The following SRPK2 variants were observed in gnomAD, a reference collection of about 807,000 sequenced individuals.
SRPK2 encodes SFRS protein kinase 2.
Under a neutral mutation model 90.8 loss-of-function variants are expected in SRPK2, and 21 were observed. That is an observed-to-expected ratio of 0.23 (90% CI 0.16 to 0.33). The LOEUF is 0.33. Among genes scored for constraint, SRPK2 ranks in the 10% least tolerant of loss-of-function variants. SRPK2 has a pLI of 1.00. For missense variants in SRPK2, 620 were observed against 869.0 expected (o/e 0.71, Z 3.60); for synonymous variants, 288 against 311.1 (o/e 0.93, Z 0.78).
chr7:105,352,670 T>G (rs1027329022), intron 2 of SRPK2, among the ~76,000 whole-genome samples: 65 of 152,110 alleles, frequency 4.3e-4, no homozygotes, highest in Non-Finnish European at 8.7e-4. Context: ...GAGGCCAAGG[T>G]GGGCAGATTA....
At chr7:105,336,706 A>G (rs1389771208) in intron 2 of SRPK2, among the ~76,000 whole-genome samples, 3 of 152,244 alleles carry the variant, frequency 2.0e-5, no homozygotes, top group African/African-American at 7.2e-5. Flanking sequence ...TTTTAAAAGC[A>G]TAACAAATTT....
intron 3 of SRPK2, among the ~76,000 whole-genome samples, chr7:105,190,198 G>A (rs1451232206): frequency 6.6e-6 from 1 of 152,210 alleles, no homozygotes; most frequent in Non-Finnish European, 1.5e-5. Flanking sequence ...TGCAGGGGCT[G>A]ACAAGTGAGG....
intron 13 of SRPK2, among the ~76,000 whole-genome samples, chr7:105,130,489 G>A (rs751548897): frequency 2.6e-5 from 4 of 152,066 alleles, no homozygotes; most frequent in Non-Finnish European, 4.4e-5. Flanking sequence ...AGTGGAGTCT[G>A]CAGTGAACTA....
intron 2 of SRPK2, among the ~76,000 whole-genome samples, chr7:105,357,675 C>G (rs1015687991): frequency 1.3e-5 from 2 of 151,630 alleles, no homozygotes; most frequent in Non-Finnish European, 2.9e-5. Flanking sequence ...ACCCAGGAGG[C>G]GGAGGTTACA....
chr7:105,300,714 C>T (rs1474655313), intron 2 of SRPK2, among the ~76,000 whole-genome samples: 7 of 152,100 alleles, frequency 4.6e-5, no homozygotes, highest in African/African-American at 1.7e-4. Flanking sequence ...CGGATATGAA[C>T]AGACACTTCT....
chr7:105,127,591 A>C (rs976494837), intron 13 of SRPK2, among the ~76,000 whole-genome samples: 1 of 152,220 alleles, frequency 6.6e-6, no homozygotes, highest in Non-Finnish European at 1.5e-5. Flanking sequence ...GAAAACCTGG[A>C]AACAAAAAAG....
intron 11 of SRPK2, among the ~76,000 whole-genome samples, chr7:105,140,867 G>A (rs943487175): frequency 9.3e-5 from 14 of 150,744 alleles, no homozygotes; most frequent in African/African-American, 2.9e-4. Flanking sequence ...AGGCTGGGGC[G>A]GGAGAATCGC....
chr7:105,169,442 G>A (rs1419812635), intron 3 of SRPK2, among the ~76,000 whole-genome samples, 177 bp from the exon 4 acceptor site: 1 of 152,102 alleles, frequency 6.6e-6, no homozygotes, highest in Non-Finnish European at 1.5e-5. Context: ...AAGAAAAAGT[G>A]TTGGCTGGAT....
At chr7:105,250,712 A>C (rs1295182712) in intron 2 of SRPK2, among the ~76,000 whole-genome samples, 1 of 152,330 alleles carries the variant, frequency 6.6e-6, no homozygotes, top group Non-Finnish European at 1.5e-5. Flanking sequence ...CTTGACTTGT[A>C]CTGATCTAAA....
At chr7:105,248,793 A>C (rs1168351797) in intron 2 of SRPK2, among the ~76,000 whole-genome samples, 1 of 151,862 alleles carries the variant, frequency 6.6e-6, no homozygotes, top group Admixed American at 6.6e-5. Flanking sequence ...ATACAAAAAA[A>C]AATTAGCCGG....
At chr7:105,378,100 C>A (rs1476339673) in intron 2 of SRPK2, among the ~76,000 whole-genome samples, 2 of 152,078 alleles carry the variant, frequency 1.3e-5, no homozygotes, top group African/African-American at 2.4e-5. Flanking sequence ...GCCCTACTAA[C>A]CTGCTTGACA....
chr7:105,301,062 G>T (rs1810486437), intron 2 of SRPK2, among the ~76,000 whole-genome samples: 1 of 152,148 alleles, frequency 6.6e-6, no homozygotes, highest in East Asian at 1.9e-4. Context: ...AAAGACACAT[G>T]CACATGTATG....
chr7:105,177,038 G>C (rs1792056162), intron 3 of SRPK2, among the ~76,000 whole-genome samples: 1 of 151,938 alleles, frequency 6.6e-6, no homozygotes, highest in Non-Finnish European at 1.5e-5. Context: ...CCGTATACAT[G>C]TTAATACCTT....
chr7:105,307,205 T>C (rs1469281349), intron 2 of SRPK2, among the ~76,000 whole-genome samples: 3 of 152,218 alleles, frequency 2.0e-5, no homozygotes, highest in Non-Finnish European at 2.9e-5. Flanking sequence ...GCTATTTTGG[T>C]ACTCCTACTA....
intron 2 of SRPK2, among the ~76,000 whole-genome samples, chr7:105,381,914 T>C (rs1044995517): frequency 6.6e-6 from 1 of 152,144 alleles, no homozygotes. Context: ...ACGCCTGTAA[T>C]CCCAACACTT....
intron 2 of SRPK2, among the ~76,000 whole-genome samples, chr7:105,272,683 A>C (rs1452019985): frequency 6.6e-6 from 1 of 152,180 alleles, no homozygotes; most frequent in African/African-American, 2.4e-5. Context: ...GGCATTGATG[A>C]TAACGGTAAC....
chr7:105,285,670 T>A (rs1003647156), intron 2 of SRPK2, among the ~76,000 whole-genome samples: 1 of 152,110 alleles, frequency 6.6e-6, no homozygotes, highest in Non-Finnish European at 1.5e-5. Flanking sequence ...GAGATCTGAT[T>A]GTTTAAAAGT....
At chr7:105,345,707 G>T (rs1816373863) in intron 2 of SRPK2, among the ~76,000 whole-genome samples, 2 of 152,194 alleles carry the variant, frequency 1.3e-5, no homozygotes, top group Admixed American at 6.5e-5. Context: ...AATACAAGTA[G>T]GGCAAGAAAT....
At chr7:105,159,471 A>AAAAAAAAAAAAAAAAACAAAAAAC (rs1807206184) in intron 7 of SRPK2, among the ~76,000 whole-genome samples, 1 of 149,154 alleles carries the variant, frequency 6.7e-6, no homozygotes, top group African/African-American at 2.5e-5. Context: ...AAAAAAAAAA[A>AAAAAAAAAAAAAAAAACAAAAAAC]AACCGTACAA....
Sources: allele counts gnomAD v4.1 joint callset (sites outside exome capture counted in the v4.1 genomes callset), GRCh38; gene constraint gnomAD v4.1.1; transcripts MANE v1.5; gene names NCBI Gene and HGNC (gene_info 2026-07-23, HGNC 2026-07-21).